Variants in PAX7 observed in about 807,000 individuals in gnomAD.
PAX7 encodes the protein paired box 7, also known as paired box protein Pax-7.
In PAX7, 18 loss-of-function variants were observed where a neutral mutation model predicts 50.7. The ratio of observed to expected loss-of-function variants is 0.36; its 90% confidence interval spans 0.25 to 0.53. PAX7 has a LOEUF of 0.53. PAX7 is among the 20% of genes least tolerant of loss of function. The pLI is 0.93. For synonymous variants in PAX7, 310 were observed against 290.4 expected (o/e 1.07, Z -0.69); for missense variants, 644 against 702.9 (o/e 0.92, Z 0.95).
rs568544300 is a variant in PAX7, at chr1:18,686,216, A to G, written c.587-5538A>G. Among the ~76,000 whole-genome samples, 4 of 152,258 alleles carry G rather than the reference A, an allele frequency of 2.6e-5. No individual in the cohort carries two copies. The East Asian group carries it at 7.7e-4, about 29-fold the overall frequency. ...CTAAAACAGAGGCTGTTTCTCCCCC[A>G]TGAGATTGGGAGGTCTCTCAGGTAG... On this transcript the variant is annotated intron_variant, in intron 4 of 8. Coordinates refer to ENST00000420770, the MANE Select transcript of PAX7 (RefSeq NM_001135254.2).
rs545928664 is a variant in PAX7, at chr1:18,633,160, G to A, written c.86-1143G>A. Among the ~76,000 whole-genome samples the A allele has an allele frequency of 2.0e-4, 31 of 152,130 alleles. 1 individual carries two copies. In the South Asian group the frequency reaches 6.5e-3, roughly 32 times the overall value. On this transcript the variant is annotated intron_variant, in intron 1 of 8. Coordinates refer to ENST00000420770, the MANE Select transcript of PAX7 (RefSeq NM_001135254.2). ...TTTTACAAAGAGAGGTGGGGGGACC[G>A]GGAGAGCGAGGGAGGGGGCGGTAGG... is the stretch of plus-strand genomic sequence containing the variant.
At chr1:18,709,068 G>A (rs2089318158) in intron 7 of PAX7, among the ~76,000 whole-genome samples, 1 of 152,216 alleles carries the variant, frequency 6.6e-6, no homozygotes, top group Admixed American at 6.5e-5. Context: ...TGTGTGCCAG[G>A]TGGGGCTGGG....
At chr1:18,640,000 A>G (rs952200305) in intron 4 of PAX7, among the ~76,000 whole-genome samples, 5 of 144,884 alleles carry the variant, frequency 3.5e-5, no homozygotes, top group Admixed American at 6.8e-5. Flanking sequence ...GGCGGGGGGG[A>G]AATCCTGGGG....
At chr1:18,654,163 G>A (rs1024342676) in intron 4 of PAX7, among the ~76,000 whole-genome samples, 2 of 152,168 alleles carry the variant, frequency 1.3e-5, no homozygotes, top group Admixed American at 1.3e-4. Flanking sequence ...CACAGAGTCT[G>A]CCTGCTGGCT....
At position 18,701,927 on chromosome 1, in the gene PAX7, T is replaced by C. The variant is rs1454433995; in HGVS notation, c.952+1109T>C. Among the ~76,000 whole-genome samples the C allele has an allele frequency of 2.0e-5, 3 of 152,002 alleles. 1 individual carries two copies. The highest frequency in any genetic ancestry group is 7.2e-5 in the African/African-American group (3 of 41,382). ...AAAGTCTGGGTCTCAGGAGAGAAGG[T>C]GAGCCTTGTAGGGGAAGAAGGGTTC... On this transcript the variant is annotated intron_variant, in intron 6 of 8. Coordinates refer to ENST00000420770, the MANE Select transcript of PAX7 (RefSeq NM_001135254.2).
chr1:18,681,489 G>A (rs1443781552), intron 4 of PAX7, among the ~76,000 whole-genome samples: 1 of 152,136 alleles, frequency 6.6e-6, no homozygotes. Flanking sequence ...TTCTGTCCAT[G>A]CAACTACACA....
At chr1:18,678,037 G>A (rs1428333652) in intron 4 of PAX7, among the ~76,000 whole-genome samples, 1 of 149,816 alleles carries the variant, frequency 6.7e-6, no homozygotes, top group Non-Finnish European at 1.5e-5. Flanking sequence ...AGCCAAGATC[G>A]TGCCACTGCA....
chr1:18,694,065 G>A (rs1324910330), intron 5 of PAX7, among the ~76,000 whole-genome samples: 1 of 152,156 alleles, frequency 6.6e-6, no homozygotes, highest in Non-Finnish European at 1.5e-5. Flanking sequence ...GGCAGGGCAG[G>A]GACTCCCCAT....
At position 18,747,557 on chromosome 1, in the gene PAX7, G is replaced by A. The variant is rs1419472532; in HGVS notation, c.*2628G>A. On this transcript the variant is annotated 3_prime_UTR_variant, in exon 9 of 9. Coordinates refer to ENST00000420770, the MANE Select transcript of PAX7 (RefSeq NM_001135254.2). ...GGTGATGTTGAATGAGAGACACAAG[G>A]CCTCCATCTCTTTGGGGCTGACCAC... is the stretch of plus-strand genomic sequence containing the variant. The A allele has an allele frequency of 1.4e-5, 3 of 213,272 alleles. No individual in the cohort carries two copies. The highest frequency in any genetic ancestry group is 1.9e-5 in the Non-Finnish European group (2 of 105,406). 13.2% of individuals were successfully genotyped at this position (213,272 alleles called of 1,614,324 possible). A position where few individuals can be genotyped will look rare whatever the true frequency, so the allele number is the denominator to read the frequency against.
At chr1:18,668,680 G>A (rs886294283) in intron 4 of PAX7, among the ~76,000 whole-genome samples, 4 of 152,098 alleles carry the variant, frequency 2.6e-5, no homozygotes, top group Non-Finnish European at 5.9e-5. Context: ...CTGCAGCCTG[G>A]GCAACAGAGT....
chr1:18,695,833 A>T (rs983210526), intron 5 of PAX7, among the ~76,000 whole-genome samples: 2 of 152,142 alleles, frequency 1.3e-5, no homozygotes, highest in African/African-American at 4.8e-5. Context: ...GGCCTCTCCC[A>T]TGACTGCCTC....
chr1:18,690,358 T>G (rs372382842), intron 4 of PAX7, among the ~76,000 whole-genome samples: 235 of 152,360 alleles, frequency 1.5e-3, no homozygotes, highest in South Asian at 3.9e-3. Context: ...TCCATCTTCC[T>G]TTCTGCTTCC....
chr1:18,641,383 GC>G (rs1187310303), intron 4 of PAX7, among the ~76,000 whole-genome samples: 4 of 152,214 alleles, frequency 2.6e-5, no homozygotes, highest in Non-Finnish European at 5.9e-5. Flanking sequence ...GTTGGGGGGT[GC>G]CTTTGGGACT....
At chr1:18,658,127 A>G (rs1468194795) in intron 4 of PAX7, among the ~76,000 whole-genome samples, 4 of 152,130 alleles carry the variant, frequency 2.6e-5, no homozygotes, top group Admixed American at 2.0e-4. Context: ...ATTAATGTAC[A>G]TCTGCAGCGG....
At position 18,631,648 on chromosome 1, in the gene PAX7, T is replaced by A. The variant is rs774720166; in HGVS notation, c.45T>A (p.Ala15=). The change falls in exon 1 of 9, where the codon GCT becomes GCA. Residue 15 remains alanine, a synonymous_variant. Coordinates refer to ENST00000420770, the MANE Select transcript of PAX7 (RefSeq NM_001135254.2). The stretch of plus-strand genomic sequence containing the variant: ...CGGTACCGAGAATGATGCGGCCGGC[T>A]CCGGGGCAGAACTACCCCCGCACGG... ...PGTVPRMMRP[A]PGQNYPRTGF... is the part of the protein sequence containing the mutation. The A allele has an allele frequency of 1.9e-6, 3 of 1,612,694 alleles. No individual in the cohort carries two copies. In the Admixed American group the frequency reaches 5.0e-5, roughly 27 times the overall value.
In PAX7 at chr1:18,700,542, A is replaced by C; in HGVS notation, c.787-111A>C. ...GCACAATGCCGGGGCCTGCAGGAGGATGCTGGCTGGATCAGAGGGTGATGG... is the reference window on the plus strand; with the variant it reads ...GCACAATGCCGGGGCCTGCAGGAGGCTGCTGGCTGGATCAGAGGGTGATGG... On this transcript the variant is annotated intron_variant, in intron 5 of 8. Transcript: ENST00000420770. The surrounding 1 kb of genome is among the most constrained non-coding windows in gnomAD (Gnocchi z 4.8). 1.0e-6 allele frequency: 1 copy of C among 983,008 alleles called. No homozygotes were observed. The highest frequency in any genetic ancestry group is 1.4e-6 in the Non-Finnish European group (1 of 690,306). 60.9% of individuals were successfully genotyped at this position (983,008 alleles called of 1,614,324 possible).
At chr1:18,665,967 C>T (rs946945590) in intron 4 of PAX7, among the ~76,000 whole-genome samples, 5 of 152,032 alleles carry the variant, frequency 3.3e-5, no homozygotes, top group Admixed American at 2.0e-4. Context: ...CCACCATGCC[C>T]GGCTGGGGTG....
intron 4 of PAX7, among the ~76,000 whole-genome samples, chr1:18,649,382 C>T (rs1257691116): frequency 6.6e-6 from 1 of 152,130 alleles, no homozygotes; most frequent in Non-Finnish European, 1.5e-5. Flanking sequence ...GACTGAGGCA[C>T]AGAGAGTTGA....
At chr1:18,722,638 G>A (rs1228398659) in intron 7 of PAX7, among the ~76,000 whole-genome samples, 1 of 152,170 alleles carries the variant, frequency 6.6e-6, no homozygotes, top group Admixed American at 6.5e-5. Context: ...AGGCGGCAGG[G>A]CGTCGACATA....
Sources: gnomAD v4.1 joint callset for allele counts (sites outside exome capture counted in the v4.1 genomes callset) on GRCh38, gnomAD v4.1.1 for gene constraint, Gnocchi (gnomAD v3.1) non-coding constraint, MANE v1.5 for transcripts, NCBI Gene and HGNC (gene_info 2026-07-23, HGNC 2026-07-21) for gene names.